CRISP2: variants seen among roughly 807,000 people sequenced by gnomAD.
CRISP2 encodes cysteine rich secretory protein 2, also known as cysteine-rich secretory protein 2.
CRISP2 carries 29 observed loss-of-function variants against 31.7 expected under a neutral mutation model. That is an observed-to-expected ratio of 0.92 (90% CI 0.68 to 1.25). The LOEUF (loss-of-function observed/expected upper bound fraction) is 1.25. CRISP2 is among the 50% of genes most tolerant of loss of function. CRISP2 has a pLI of 0.00. For synonymous variants in CRISP2, 111 were observed against 101.4 expected (o/e 1.09, Z -0.57); for missense variants, 318 against 286.5 (o/e 1.11, Z -0.79).
chr6:49,708,708 A>C (rs940340088), intron 4 of CRISP2, among the ~76,000 whole-genome samples: 1 of 152,226 alleles, frequency 6.6e-6, no homozygotes, highest in Non-Finnish European at 1.5e-5. Flanking sequence ...GTTATAAGCC[A>C]CTTAGCTTGT....
At chr6:49,684,858 T>A in the CRISP2 span, among the ~76,000 whole-genome samples, 1 of 152,208 alleles carries the variant, frequency 6.6e-6, no homozygotes, top group Non-Finnish European at 1.5e-5. Context: ...GGACAGAAAG[T>A]CTAAACTTTC....
intron 3 of CRISP2, among the ~76,000 whole-genome samples, chr6:49,711,003 G>A (rs1767914952): frequency 6.6e-6 from 1 of 151,960 alleles, no homozygotes; most frequent in East Asian, 1.9e-4. Context: ...TAATTAGCTG[G>A]GCATGGTGGC....
At chr6:49,701,468 A>G (rs1328140849) in intron 4 of CRISP2, among the ~76,000 whole-genome samples, 1 of 130,888 alleles carries the variant, frequency 7.6e-6, no homozygotes, top group African/African-American at 2.9e-5. Flanking sequence ...ATTTCTTTTT[A>G]TGGCTGAGCA....
chr6:49,700,725 A>C lies in CRISP2; in HGVS notation c.126T>G (p.Asn42Lys), dbSNP rs200941451. Reference sequence around the variant, plus strand: ...CTGCTTTCCTTAGTTCATTGTGTTTATTTACAATCTCCCTTTGCACTTGCA... The same window carrying C: ...CTGCTTTCCTTAGTTCATTGTGTTTCTTTACAATCTCCCTTTGCACTTGCA... ...TQLQVQREIV[N>K]KHNELRKAVS... The change falls in exon 5 of 10, where the codon AAT becomes AAG. Residue 42 changes from asparagine to lysine, a missense_variant. By Grantham distance (94) the Asn-to-Lys change is moderately conservative. Transcript: ENST00000339139. 3.7e-6 allele frequency: 6 copies of C among 1,612,884 alleles called. No individual in the cohort carries two copies. The East Asian group carries it at 1.3e-4, about 36-fold the overall frequency.
Position 49,692,806 on chromosome 6 carries a change from C to T in CRISP2, c.699G>A (p.Lys233=). 1 of 1,613,710 alleles carries T rather than the reference C, an allele frequency of 6.2e-7. No individual in the cohort carries two copies. Among genetic ancestry groups the T allele is most frequent in the Non-Finnish European group, 8.5e-7 (1 of 1,179,698 alleles). Residue 233 remains lysine, a synonymous_variant, in exon 10 of 10, where the codon AAG becomes AAA. Transcript: ENST00000339139. ...CEHELLKEKC[K]ATCLCENKIY ...TTTTGTTCTCACATAGGCAAGTAGC[C>T]TTGCACTTTTCCTTGAGTAACTCAT... is the stretch of plus-strand genomic sequence containing the variant.
chr6:49,690,224 A>T (rs1036151764), downstream of CRISP2, among the ~76,000 whole-genome samples: 2 of 152,152 alleles, frequency 1.3e-5, no homozygotes, highest in African/African-American at 4.8e-5. Context: ...ATAGCCTACC[A>T]TATGTACACC....
chr6:49,699,701 G>C, intron 6 of CRISP2, 103 bp downstream of exon 6: 1 of 791,640 alleles, frequency 1.3e-6, no homozygotes, highest in Non-Finnish European at 2.0e-6. Context: ...AGCAGTATAA[G>C]TAACATTTAT....
chr6:49,694,145 GATGATGTT>G (rs1764349966), intron 9 of CRISP2, among the ~76,000 whole-genome samples: 1 of 152,186 alleles, frequency 6.6e-6, no homozygotes, highest in South Asian at 2.1e-4. Context: ...TTCATTATTA[GATGATGTT>G]CTAAACCCAG....
intron 4 of CRISP2, among the ~76,000 whole-genome samples, chr6:49,706,952 T>G (rs1393171246): frequency 2.6e-5 from 4 of 152,164 alleles, no homozygotes; most frequent in Non-Finnish European, 5.9e-5. Flanking sequence ...AAAGGCAGAT[T>G]TCTAAATCAC....
At chr6:49,689,758 T>C (rs1009627495), downstream of CRISP2, among the ~76,000 whole-genome samples, 4 of 152,114 alleles carry the variant, frequency 2.6e-5, no homozygotes, top group Non-Finnish European at 4.4e-5. Flanking sequence ...GAGGAACTTA[T>C]CACATTCTTA....
At chr6:49,701,882 A>G (rs1253399971) in intron 4 of CRISP2, among the ~76,000 whole-genome samples, 6 of 98,962 alleles carry the variant, frequency 6.1e-5, no homozygotes, top group Non-Finnish European at 5.6e-5. Context: ...TATGTATTAT[A>G]TATTATATAT....
upstream of CRISP2, among the ~76,000 whole-genome samples, chr6:49,713,817 G>T (rs922006783): frequency 1.3e-5 from 2 of 152,194 alleles, no homozygotes; most frequent in Non-Finnish European, 2.9e-5. Context: ...TAAGGATTCG[G>T]GTTGCCCAGG....
At chr6:49,681,582 T>A in the CRISP2 span, among the ~76,000 whole-genome samples, 19 of 152,216 alleles carry the variant, frequency 1.2e-4, no homozygotes, top group African/African-American at 4.3e-4. Context: ...TTTATATTTA[T>A]AAACTATCAA....
chr6:49,712,321 C>T (rs922388508), intron 2 of CRISP2, among the ~76,000 whole-genome samples, 180 bp downstream of exon 2: 1 of 152,222 alleles, frequency 6.6e-6, no homozygotes, highest in African/African-American at 2.4e-5. Flanking sequence ...TCTCTCATAA[C>T]CTCAACCATC....
chr6:49,701,692 T>G (rs1223936812), intron 4 of CRISP2, among the ~76,000 whole-genome samples: 1 of 114,848 alleles, frequency 8.7e-6, no homozygotes, highest in Non-Finnish European at 1.7e-5. Flanking sequence ...ACATTATATA[T>G]GTATACATTA....
intron 4 of CRISP2, among the ~76,000 whole-genome samples, chr6:49,704,880 G>T (rs1766744875): frequency 6.6e-6 from 1 of 152,210 alleles, no homozygotes; most frequent in Non-Finnish European, 1.5e-5. Flanking sequence ...GGTTAGCCAG[G>T]ATGTTACAGG....
intron 4 of CRISP2, among the ~76,000 whole-genome samples, chr6:49,706,571 A>AG (rs1268039892): frequency 6.6e-6 from 1 of 152,194 alleles, no homozygotes; most frequent in Non-Finnish European, 1.5e-5. Context: ...GAGGTGGAAT[A>AG]GGATGTGAAA....
rs1767567861 is a variant in CRISP2 at position 49,709,146 on chromosome 6, TA to T, written c.50del (p.Leu17TyrfsTer14). The T allele has an allele frequency of 6.2e-7, 1 of 1,613,724 alleles. No individual in the cohort carries two copies. The highest frequency in any genetic ancestry group is 8.5e-7 in the Non-Finnish European group (1 of 1,179,874). ...TTAACCTTACCTTTCCTTCTGCAGG[TA>T]AAGATGGAAGCAGCACAGTAACCAG... ...LFLVTVLLPS[L>X]PAEGKDPAFT... On this transcript the variant is annotated frameshift_variant, in exon 4 of 10. Coordinates refer to ENST00000339139, the MANE Select transcript of CRISP2 (RefSeq NM_003296.4). LOFTEE classifies it high-confidence loss of function.
intron 9 of CRISP2, among the ~76,000 whole-genome samples, chr6:49,694,541 T>A (rs958659532): frequency 1.3e-5 from 2 of 151,828 alleles, no homozygotes; most frequent in Admixed American, 1.3e-4. Flanking sequence ...CAAGGCAGAG[T>A]ACCCCACACA....
Sources: gnomAD v4.1 joint callset for allele counts (sites outside exome capture counted in the v4.1 genomes callset) on GRCh38, gnomAD v4.1.1 for gene constraint, MANE v1.5 for transcripts, NCBI Gene and HGNC (gene_info 2026-07-23, HGNC 2026-07-21) for gene names.